Variants in PIK3R5 observed in about 807,000 individuals in gnomAD.
PIK3R5 encodes phosphoinositide 3-kinase regulatory subunit 5.
PIK3R5 carries 32 observed loss-of-function variants against 94.9 expected under a neutral mutation model. The observed-to-expected ratio is 0.34, with a 90% CI of 0.25 to 0.45. The LOEUF (loss-of-function observed/expected upper bound fraction) is 0.45, where lower values mean the gene tolerates loss of function less well. Among genes scored for constraint, PIK3R5 ranks in the 20% least tolerant of loss-of-function variants. The pLI is 1.00. For missense variants in PIK3R5, 853 were observed against 1,144.6 expected (o/e 0.75, Z 3.68); for synonymous variants, 443 against 479.4 (o/e 0.92, Z 0.99).
chr17:8,934,047 G>A (rs771825812), intron 1 of PIK3R5, among the ~76,000 whole-genome samples: 5 of 152,184 alleles, frequency 3.3e-5, no homozygotes, highest in Non-Finnish European at 7.3e-5. Context: ...AAGCAAGGAT[G>A]TCTGTTCTTA....
At position 8,886,237 on chromosome 17, in the gene PIK3R5, T is replaced by C; in HGVS notation, c.2120A>G (p.Lys707Arg). 1 of 1,612,410 alleles carries C rather than the reference T, an allele frequency of 6.2e-7. No homozygotes were observed. Among genetic ancestry groups the C allele is most frequent in the East Asian group, 2.2e-5 (1 of 44,876 alleles). Residue 707 changes from lysine (K) to arginine (R), a missense_variant, in exon 14 of 19, where the codon AAG (lysine) becomes AGG (arginine). Physicochemically the swap from Lys to Arg is conservative, Grantham distance 26 (BLOSUM62 2). Coordinates refer to ENST00000447110, the MANE Select transcript of PIK3R5 (RefSeq NM_001142633.3). ...LGHSAATRAI[K>R]ASGPGSKRLG... ...GCTCAGGCAGTACCCACCTGACGCC[T>C]TGATGGCACGTGTGGCAGCGGAGTG... is the stretch of plus-strand genomic sequence containing the variant.
chr17:8,926,539 G>A (rs2090887500), intron 1 of PIK3R5, among the ~76,000 whole-genome samples: 1 of 152,180 alleles, frequency 6.6e-6, no homozygotes, highest in Non-Finnish European at 1.5e-5. Flanking sequence ...GAGGCAAAAG[G>A]CACGTCTTAC....
chr17:8,889,824 G>C lies in PIK3R5; in HGVS notation c.811+149C>G. 2.7e-6 allele frequency: 2 copies of C among 752,496 alleles called. No homozygotes were observed. The highest frequency in any genetic ancestry group is 4.4e-6 in the Non-Finnish European group (2 of 456,190). The allele number at this position is 752,496 out of a possible 1,614,324, so 46.6% of individuals were successfully genotyped here. A position where few individuals can be genotyped will look rare whatever the true frequency, so the allele number is the denominator to read the frequency against. ...TATAGACAGGAATGAGACACCCTAG[G>C]GGATGGCAGAGCAGTGAGATGCTGA... On this transcript the variant is annotated intron_variant, in intron 8 of 18. Coordinates refer to ENST00000447110, the MANE Select transcript of PIK3R5 (RefSeq NM_001142633.3). This position sits in a 1 kb window ranked among gnomAD's most constrained non-coding sequence, Gnocchi z 4.1.
intron 1 of PIK3R5, among the ~76,000 whole-genome samples, chr17:8,918,076 A>G (rs1294598449): frequency 6.6e-6 from 1 of 152,232 alleles, no homozygotes; most frequent in Non-Finnish European, 1.5e-5. Context: ...AGATAAATAC[A>G]TATAGAAAAA....
chr17:8,926,590 A>T (rs2090888737), intron 1 of PIK3R5, among the ~76,000 whole-genome samples: 1 of 152,180 alleles, frequency 6.6e-6, no homozygotes, highest in East Asian at 1.9e-4. Context: ...TGCAAAAGTA[A>T]AACCCCTGAT....
At chr17:8,934,391 C>G (rs775634052) in intron 1 of PIK3R5, among the ~76,000 whole-genome samples, 4 of 152,152 alleles carry the variant, frequency 2.6e-5, no homozygotes, top group Non-Finnish European at 5.9e-5. Flanking sequence ...ACCATTAAAA[C>G]TACAAGACAT....
chr17:8,884,289 C>CCACAG lies in PIK3R5; in HGVS notation c.2205+413_2205+417dup, dbSNP rs2089755380. On this transcript the variant is annotated intron_variant, in intron 15 of 18. Transcript: ENST00000447110. The surrounding 1 kb of genome is among the most constrained non-coding windows in gnomAD (Gnocchi z 5.8). Reference sequence around the variant, plus strand: ...ATGTCATGGACAGCCCTCCACCTCCCCACAGCTCTCCTCACTCCTTTCTCA... The same window carrying CCACAG: ...ATGTCATGGACAGCCCTCCACCTCCCCACAGCACAGCTCTCCTCACTCCTTTCTCA... 2.0e-5 allele frequency among the ~76,000 whole-genome samples: 3 copies of CCACAG among 152,120 alleles called. No individual in the cohort carries two copies. The highest frequency in any genetic ancestry group is 1.3e-4 in the Admixed American group (2 of 15,268).
At chr17:8,940,112 C>T (rs992678883) in intron 1 of PIK3R5, among the ~76,000 whole-genome samples, 2 of 152,180 alleles carry the variant, frequency 1.3e-5, no homozygotes, top group African/African-American at 2.4e-5. Flanking sequence ...CCTGCTTCCC[C>T]TGGGAGATGG....
chr17:8,944,937 G>T (rs2091248281), intron 1 of PIK3R5, among the ~76,000 whole-genome samples: 1 of 152,184 alleles, frequency 6.6e-6, no homozygotes, highest in African/African-American at 2.4e-5. Flanking sequence ...GCAATTTCCT[G>T]CTGAGGTTAG....
chr17:8,888,356 G>C lies in PIK3R5; in HGVS notation c.1431C>G (p.Arg477=). 6.2e-7 allele frequency: 1 copy of C among 1,611,278 alleles called. No individual in the cohort carries two copies. The highest frequency in any genetic ancestry group is 8.5e-7 in the Non-Finnish European group (1 of 1,179,390). ...TACCGAGTTTGGGCTGGGGCAGGGA[G>C]CGGGAGCGCTGGGCCCGGGAAGGGG... ...VSPPSRAQRS[R]SLPQPKLGTQ... is the part of the protein sequence containing the mutation. The change falls in exon 10 of 19, where the codon CGC becomes CGG. Residue 477 remains arginine (R), a synonymous_variant. Transcript: ENST00000447110. This position sits in a 1 kb window ranked among gnomAD's most constrained non-coding sequence, Gnocchi z 7.8.
At chr17:8,898,239 C>T (rs530976644) in intron 5 of PIK3R5, among the ~76,000 whole-genome samples, 4 of 152,334 alleles carry the variant, frequency 2.6e-5, no homozygotes, top group South Asian at 2.1e-4. Context: ...CACTGAAGAA[C>T]ATTCTGAATT....
At chr17:8,949,922 T>C (rs544022473) in intron 1 of PIK3R5, among the ~76,000 whole-genome samples, 333 of 152,324 alleles carry the variant, frequency 2.2e-3, no homozygotes, top group Admixed American at 4.4e-3. Flanking sequence ...AAAACAATTT[T>C]TTTAAGTGGA....
chr17:8,939,536 C>T (rs1297195554), intron 1 of PIK3R5, among the ~76,000 whole-genome samples: 2 of 152,150 alleles, frequency 1.3e-5, no homozygotes, highest in African/African-American at 2.4e-5. Context: ...CTGTGATCAC[C>T]TAAACGTAGT....
Position 8,889,080 on chromosome 17 carries a change from C to A in PIK3R5, c.895+59G>T. The A allele has an allele frequency of 6.4e-7, 1 of 1,563,326 alleles. No homozygotes were observed. The highest frequency in any genetic ancestry group is 8.7e-7 in the Non-Finnish European group (1 of 1,146,322). On this transcript the variant is annotated intron_variant, in intron 9 of 18. Coordinates refer to ENST00000447110, the MANE Select transcript of PIK3R5 (RefSeq NM_001142633.3). The surrounding 1 kb of genome is among the most constrained non-coding windows in gnomAD (Gnocchi z 4.1). ...GGGTGGGAGCTGCATGGACCCAGGA[C>A]CAGAAACACAGCTCAGGCAGTGTGG...
chr17:8,893,702 G>T lies in PIK3R5; in HGVS notation c.413-47C>A. On this transcript the variant is annotated intron_variant, in intron 5 of 18. Coordinates refer to ENST00000447110, the MANE Select transcript of PIK3R5 (RefSeq NM_001142633.3). This position sits in a 1 kb window ranked among gnomAD's most constrained non-coding sequence, Gnocchi z 5.1. ...GTTCATGGGCTGATCAGTTCCTTCA[G>T]CATCGTCCGTGTGCCTCGTGGGGAG... 6.9e-7 allele frequency: 1 copy of T among 1,448,102 alleles called. No individual in the cohort carries two copies. The highest frequency in any genetic ancestry group is 9.7e-7 in the Non-Finnish European group (1 of 1,029,606). 89.7% of individuals were successfully genotyped at this position (1,448,102 alleles called of 1,614,324 possible).
At chr17:8,957,070 T>C (rs957785065) in intron 1 of PIK3R5, among the ~76,000 whole-genome samples, 7 of 152,122 alleles carry the variant, frequency 4.6e-5, no homozygotes, top group Non-Finnish European at 1.0e-4. Flanking sequence ...TTATTCAAGG[T>C]CACTGAACTA....
chr17:8,932,528 C>T (rs2091005537), intron 1 of PIK3R5, among the ~76,000 whole-genome samples: 1 of 152,124 alleles, frequency 6.6e-6, no homozygotes. Context: ...AGCCACCGCA[C>T]CCGGCCTGGA....
intron 1 of PIK3R5, among the ~76,000 whole-genome samples, chr17:8,951,625 C>G (rs1274285946): frequency 6.6e-6 from 1 of 152,190 alleles, no homozygotes; most frequent in East Asian, 1.9e-4. Flanking sequence ...TGTATATACA[C>G]ATTTTGTTTA....
rs1330740815 is a variant in PIK3R5 at position 8,888,347 on chromosome 17, G to A, written c.1440C>T (p.Pro480=). The part of the protein sequence containing the change: ...PSRAQRSRSL[P]QPKLGTQLPS... ...GCAGCTGGGTACCGAGTTTGGGCTG[G>A]GGCAGGGAGCGGGAGCGCTGGGCCC... Residue 480 remains proline (P), a synonymous_variant, in exon 10 of 19, where the codon CCC becomes CCT. Coordinates refer to ENST00000447110, the MANE Select transcript of PIK3R5 (RefSeq NM_001142633.3). The surrounding 1 kb of genome is among the most constrained non-coding windows in gnomAD (Gnocchi z 7.8). 4.3e-6 allele frequency: 7 copies of A among 1,612,058 alleles called. No individual in the cohort carries two copies. Among genetic ancestry groups the A allele is most frequent in the Non-Finnish European group, 5.9e-6 (7 of 1,179,570 alleles).
Sources: gnomAD v4.1 joint callset for allele counts (sites outside exome capture counted in the v4.1 genomes callset) on GRCh38, gnomAD v4.1.1 for gene constraint, Gnocchi (gnomAD v3.1) non-coding constraint, MANE v1.5 for transcripts, NCBI Gene and HGNC (gene_info 2026-07-23, HGNC 2026-07-21) for gene names.